DLGAP4: variants seen among roughly 807,000 people sequenced by gnomAD.
The protein encoded by DLGAP4 is disks large-associated protein 4.
Under a neutral mutation model 86.9 loss-of-function variants are expected in DLGAP4, and 18 were observed. The ratio of observed to expected loss-of-function variants is 0.21; its 90% CI spans 0.14 to 0.31. The LOEUF (loss-of-function observed/expected upper bound fraction) is 0.31, where lower values mean the gene tolerates loss of function less well. Among genes scored for constraint, DLGAP4 ranks in the 10% least tolerant of loss-of-function variants. The pLI is 1.00. For synonymous variants in DLGAP4, 548 were observed against 574.3 expected (o/e 0.95, Z 0.65); for missense variants, 1,085 against 1,362.6 (o/e 0.80, Z 3.21).
At chr20:36,343,551 C>T (rs531839187) in intron 1 of DLGAP4, among the ~76,000 whole-genome samples, 4 of 152,270 alleles carry the variant, frequency 2.6e-5, no homozygotes, top group African/African-American at 9.6e-5. Context: ...TCATTTGCCC[C>T]TATTCCCACC....
chr20:36,524,296 G>A lies in DLGAP4; in HGVS notation c.2559G>A (p.Met853Ile). 1.2e-6 allele frequency: 2 copies of A among 1,614,054 alleles called. No individual in the cohort carries two copies. The highest frequency in any genetic ancestry group is 1.7e-6 in the Non-Finnish European group (2 of 1,179,998). ...LSAVGSAQLL[M>I]SQKFQQFRGL... ...CTGTGGGCAGTGCCCAGCTACTGAT[G>A]TCCCAGAAATTCCAGCAGTTCCGGG... Residue 853 changes from methionine to isoleucine, a missense_variant, in exon 11 of 13, where the codon ATG (methionine) becomes ATA (isoleucine). By Grantham distance (10) the Met-to-Ile change is conservative. Coordinates refer to ENST00000339266, the MANE Select transcript of DLGAP4 (RefSeq NM_001365621.2).
chr20:36,440,878 G>A (rs1226297089), intron 5 of DLGAP4, among the ~76,000 whole-genome samples: 1 of 151,968 alleles, frequency 6.6e-6, no homozygotes, highest in African/African-American at 2.4e-5. Flanking sequence ...CTGTGTGCAG[G>A]CCCAGGACCA....
At chr20:36,461,676 C>CCG in intron 7 of DLGAP4, 2 of 167,734 alleles carry the variant, frequency 1.2e-5, no homozygotes, top group Non-Finnish European at 2.1e-5. Flanking sequence ...CGGCCCGGCC[C>CCG]GGCCCTGCCC....
rs2147867105 is a variant in DLGAP4 at position 36,524,442 on chromosome 20, C to T, written c.2604+101C>T. The T allele has an allele frequency of 5.2e-6, 5 of 959,556 alleles. No homozygotes were observed. The East Asian group carries it at 9.8e-5, about 19-fold the overall frequency. 59.4% of individuals were successfully genotyped at this position (959,556 alleles called of 1,614,324 possible). On this transcript the variant is annotated intron_variant, in intron 11 of 12. Coordinates refer to ENST00000339266, the MANE Select transcript of DLGAP4 (RefSeq NM_001365621.2). ...AGCCTCTGTGCCCTCCTCTGTAACA[C>T]ACACAGCGCGGCTTCCTCATGGTGC...
intron 1 of DLGAP4, among the ~76,000 whole-genome samples, chr20:36,345,442 G>A (rs2029907388): frequency 6.6e-6 from 1 of 152,206 alleles, no homozygotes; most frequent in African/African-American, 2.4e-5. Context: ...GGGGCCAGCT[G>A]GCCTAAGTTC....
At chr20:36,485,735 G>A (rs565230306) in intron 7 of DLGAP4, among the ~76,000 whole-genome samples, 54 of 152,194 alleles carry the variant, frequency 3.5e-4, no homozygotes, top group Non-Finnish European at 6.3e-4. Flanking sequence ...TCCCAGAGCT[G>A]TGTCAGGATA....
intron 1 of DLGAP4, among the ~76,000 whole-genome samples, chr20:36,353,202 G>A (rs1313269513): frequency 6.6e-6 from 1 of 152,230 alleles, no homozygotes; most frequent in Non-Finnish European, 1.5e-5. Flanking sequence ...GGAGAAAGCT[G>A]GGCCTGCAGA....
rs1425727453 is a variant in DLGAP4 at position 36,350,119 on chromosome 20, G to A, written c.-303-16926G>A. On this transcript the variant is annotated intron_variant, in intron 1 of 12. Transcript: ENST00000339266. This position sits in a 1 kb window ranked among gnomAD's most constrained non-coding sequence, Gnocchi z 4.4. Reference sequence around the variant, plus strand: ...CTGGTGTCCCTCAGACATGTATCTAGAGGAGGTGCCATGGGGACAGGACGG... The same window carrying A: ...CTGGTGTCCCTCAGACATGTATCTAAAGGAGGTGCCATGGGGACAGGACGG... Among the ~76,000 whole-genome samples, 1 of 152,234 alleles carries A rather than the reference G, an allele frequency of 6.6e-6. No individual in the cohort carries two copies. Among genetic ancestry groups the A allele is most frequent in the African/African-American group, 2.4e-5 (1 of 41,464 alleles).
chr20:36,487,231 G>C, intron 7 of DLGAP4, among the ~76,000 whole-genome samples: 1 of 152,182 alleles, frequency 6.6e-6, no homozygotes, highest in Non-Finnish European at 1.5e-5. Context: ...AGAGGATTCA[G>C]ATTCATTCTG....
chr20:36,406,707 C>T (rs542902625), intron 2 of DLGAP4, among the ~76,000 whole-genome samples: 2 of 152,140 alleles, frequency 1.3e-5, no homozygotes, highest in Non-Finnish European at 2.9e-5. Context: ...AAGTACTGTG[C>T]GCAACCCATC....
At chr20:36,384,411 C>T (rs903861395) in intron 2 of DLGAP4, among the ~76,000 whole-genome samples, 3 of 152,156 alleles carry the variant, frequency 2.0e-5, no homozygotes, top group Non-Finnish European at 4.4e-5. Context: ...CCTCTGTTAC[C>T]ATCTACCAGG....
intron 10 of DLGAP4, among the ~76,000 whole-genome samples, chr20:36,512,984 C>G (rs2036806810): frequency 9.6e-6 from 1 of 103,824 alleles, no homozygotes; most frequent in Non-Finnish European, 1.8e-5. Context: ...TGGGGTCTCA[C>G]TCTTTCACCC....
intron 1 of DLGAP4, among the ~76,000 whole-genome samples, chr20:36,309,647 T>G (rs1336170691): frequency 6.6e-6 from 1 of 152,210 alleles, no homozygotes; most frequent in Non-Finnish European, 1.5e-5. Context: ...ACCTGGCATC[T>G]TTAGAGGTGT....
At chr20:36,434,832 T>G (rs2033226251) in intron 3 of DLGAP4, among the ~76,000 whole-genome samples, 1 of 152,104 alleles carries the variant, frequency 6.6e-6, no homozygotes, top group Non-Finnish European at 1.5e-5. Flanking sequence ...GACATGGCCC[T>G]TGGGCAGTGT....
chr20:36,526,147 G>GACCCCACGCAGTGAT, intron 12 of DLGAP4, 141 bp downstream of exon 12: 2 of 1,259,086 alleles, frequency 1.6e-6, no homozygotes, highest in Non-Finnish European at 2.3e-6. Flanking sequence ...TCACTGCGTG[G>GACCCCACGCAGTGAT]GGTCCATGCT....
intron 2 of DLGAP4, among the ~76,000 whole-genome samples, chr20:36,398,024 G>A (rs1400684769): frequency 6.6e-6 from 1 of 152,230 alleles, no homozygotes; most frequent in East Asian, 1.9e-4. Context: ...AGGAGGCTGA[G>A]GCAAGAGAAT....
chr20:36,401,256 G>C (rs1401196800), intron 2 of DLGAP4, among the ~76,000 whole-genome samples: 3 of 152,212 alleles, frequency 2.0e-5, no homozygotes, highest in Non-Finnish European at 4.4e-5. Flanking sequence ...ATGAGAACGC[G>C]ATCCATCTTA....
At chr20:36,341,888 C>T (rs2065386708) in intron 1 of DLGAP4, among the ~76,000 whole-genome samples, 1 of 152,252 alleles carries the variant, frequency 6.6e-6, no homozygotes, top group Non-Finnish European at 1.5e-5. Flanking sequence ...ACCACCACAG[C>T]CTCCCGCCTT....
rs183114297 is a variant in DLGAP4, at chr20:36,526,598, G to T, written c.2761-215G>T. On this transcript the variant is annotated intron_variant, in intron 12 of 12. Transcript: ENST00000339266. ...CCGTCCCCGCTGCTCGAGCGCTCTC[G>T]GAGTCTAGGCTTGCTTTCTGCTCCA... is the stretch of plus-strand genomic sequence containing the variant. Among the ~76,000 whole-genome samples the T allele has an allele frequency of 1.6e-4, 24 of 152,100 alleles. No homozygotes were observed. The East Asian group carries it at 4.7e-3, about 30-fold the overall frequency.
Sources: gnomAD v4.1 joint callset for allele counts (sites outside exome capture counted in the v4.1 genomes callset) on GRCh38, gnomAD v4.1.1 for gene constraint, Gnocchi (gnomAD v3.1) non-coding constraint, MANE v1.5 for transcripts, NCBI Gene and HGNC (gene_info 2026-07-23, HGNC 2026-07-21) for gene names.